Variants in RGS6 observed in about 807,000 individuals in gnomAD.
The protein encoded by RGS6 is regulator of G protein signaling 6, also known as regulator of G-protein signaling 6.
A neutral mutation model predicts 78.5 loss-of-function variants in RGS6; 30 were observed. The observed-to-expected ratio is 0.38, with a 90% CI of 0.29 to 0.52. The LOEUF (loss-of-function observed/expected upper bound fraction) is 0.52. Ranked by LOEUF, RGS6 falls within the 20% of genes least tolerant of loss-of-function variation. The pLI is 0.85. For missense variants in RGS6, 495 were observed against 609.7 expected, an observed-to-expected ratio of 0.81 and a Z score of 1.98; for synonymous variants, 206 against 206.0, an observed-to-expected ratio of 1.00 and a Z score of 0.00.
intron 2 of RGS6, among the ~76,000 whole-genome samples, chr14:72,128,652 A>T (rs2096252345): frequency 6.6e-6 from 1 of 152,076 alleles, no homozygotes; most frequent in African/African-American, 2.4e-5. Flanking sequence ...ATAAACACTC[A>T]CTTATGAATA....
At chr14:72,393,054 C>T (rs1172790189) in intron 3 of RGS6, among the ~76,000 whole-genome samples, 1 of 152,130 alleles carries the variant, frequency 6.6e-6, no homozygotes, top group Admixed American at 6.5e-5. Context: ...TATGTTGAAC[C>T]CTGTATGGCA....
intron 2 of RGS6, among the ~76,000 whole-genome samples, chr14:72,144,259 T>C (rs2096578207): frequency 6.6e-6 from 1 of 152,210 alleles, no homozygotes; most frequent in African/African-American, 2.4e-5. Context: ...TCCTACTTAA[T>C]GTTGTTTTCA....
At chr14:72,390,259 A>T (rs1217816216) in intron 3 of RGS6, among the ~76,000 whole-genome samples, 4 of 151,846 alleles carry the variant, frequency 2.6e-5, no homozygotes, top group Admixed American at 6.6e-5. Context: ...CACCACGCCC[A>T]GTTAATTTTT....
At chr14:72,587,370 T>C in the RGS6 span, among the ~76,000 whole-genome samples, 1 of 152,050 alleles carries the variant, frequency 6.6e-6, no homozygotes, top group Non-Finnish European at 1.5e-5. Context: ...GGTGTTTTGT[T>C]GCTGGGGGAA....
chr14:72,242,745 C>G (rs1231662341), intron 2 of RGS6, among the ~76,000 whole-genome samples: 1 of 150,894 alleles, frequency 6.6e-6, no homozygotes, highest in African/African-American at 2.4e-5. Context: ...GAAGTGGTCA[C>G]TACTGTATGG....
chr14:72,119,197 G>A (rs1051759693), intron 2 of RGS6, among the ~76,000 whole-genome samples: 1 of 152,168 alleles, frequency 6.6e-6, no homozygotes, highest in African/African-American at 2.4e-5. Context: ...CTGAAGCTAA[G>A]GAAGGAAACT....
At chr14:72,132,279 CTT>C (rs529374337) in intron 2 of RGS6, among the ~76,000 whole-genome samples, 96 of 137,798 alleles carry the variant, frequency 7.0e-4, no homozygotes, top group Admixed American at 9.6e-4. Flanking sequence ...TCTTCTTCTT[CTT>C]TTTTTTTTTT....
At chr14:72,343,555 G>A (rs1417213889) in intron 2 of RGS6, among the ~76,000 whole-genome samples, 1 of 152,202 alleles carries the variant, frequency 6.6e-6, no homozygotes, top group African/African-American at 2.4e-5. Flanking sequence ...CAGGGATTAG[G>A]ACATGGATCT....
the RGS6 span, among the ~76,000 whole-genome samples, chr14:71,889,639 G>A: frequency 1.6e-4 from 24 of 152,282 alleles, no homozygotes; most frequent in African/African-American, 3.6e-4. Context: ...TTTGCAGGGC[G>A]TAAGGTACAG....
chr14:72,455,204 C>T (rs2153229640), intron 4 of RGS6, among the ~76,000 whole-genome samples: 1 of 152,276 alleles, frequency 6.6e-6, no homozygotes, highest in Admixed American at 6.5e-5. Context: ...AGCTTATTCC[C>T]ATGTGCTGTC....
chr14:71,913,383 C>T, the RGS6 span, among the ~76,000 whole-genome samples: 3 of 152,168 alleles, frequency 2.0e-5, no homozygotes, highest in Non-Finnish European at 4.4e-5. Context: ...AGCTGCACTC[C>T]CCAGTCTGCG....
chr14:72,085,171 G>C (rs1242495747), intron 2 of RGS6, among the ~76,000 whole-genome samples: 1 of 152,178 alleles, frequency 6.6e-6, no homozygotes, highest in Admixed American at 6.5e-5. Flanking sequence ...TAAGGCGTGA[G>C]GGTAAGAAAT....
At chr14:72,138,781 G>T (rs1327968986) in intron 2 of RGS6, among the ~76,000 whole-genome samples, 2 of 152,062 alleles carry the variant, frequency 1.3e-5, no homozygotes, top group East Asian at 3.9e-4. Context: ...TAGGATGTGT[G>T]CTCCTTATGA....
intron 2 of RGS6, among the ~76,000 whole-genome samples, chr14:72,154,631 CTT>C (rs1363024800): frequency 6.6e-6 from 1 of 152,148 alleles, no homozygotes; most frequent in African/African-American, 2.4e-5. Context: ...TAATGTCTGA[CTT>C]TGGCCACGGC....
intron 2 of RGS6, among the ~76,000 whole-genome samples, chr14:72,062,601 C>T (rs1435967906): frequency 6.6e-6 from 1 of 152,146 alleles, no homozygotes; most frequent in African/African-American, 2.4e-5. Context: ...GCTATTAGGA[C>T]TTTGTGATTT....
chr14:72,395,736 T>C (rs1027648394), intron 3 of RGS6, among the ~76,000 whole-genome samples: 1 of 150,140 alleles, frequency 6.7e-6, no homozygotes, highest in African/African-American at 2.4e-5. Context: ...CCTGTGTCCA[T>C]GTGTTCTCAT....
At chr14:71,957,104 G>A (rs1308004515) in intron 1 of RGS6, among the ~76,000 whole-genome samples, 2 of 152,308 alleles carry the variant, frequency 1.3e-5, no homozygotes, top group East Asian at 3.9e-4. Flanking sequence ...AAAGCTTCAG[G>A]TGAGGAAATA....
At chr14:72,451,678 T>C (rs1254043148) in intron 3 of RGS6, among the ~76,000 whole-genome samples, 1 of 152,178 alleles carries the variant, frequency 6.6e-6, no homozygotes, top group Non-Finnish European at 1.5e-5. Flanking sequence ...AGCAGAAAGA[T>C]AATCCGCAGG....
chr14:72,284,982 C>T (rs912512327), intron 2 of RGS6, among the ~76,000 whole-genome samples: 8 of 152,176 alleles, frequency 5.3e-5, no homozygotes, highest in African/African-American at 1.9e-4. Flanking sequence ...CTTTAGCCCC[C>T]TCATTTTGGC....
Sources: gnomAD v4.1 joint callset for allele counts (sites outside exome capture counted in the v4.1 genomes callset) on GRCh38, gnomAD v4.1.1 for gene constraint, MANE v1.5 for transcripts, NCBI Gene and HGNC (gene_info 2026-07-23, HGNC 2026-07-21) for gene names.